MDGA2: variants seen among roughly 807,000 people sequenced by gnomAD.
The protein encoded by MDGA2 is MAM domain containing glycosylphosphatidylinositol anchor 2.
A neutral mutation model predicts 117.8 loss-of-function variants in MDGA2; 40 were observed. The ratio of observed to expected loss-of-function variants is 0.34; its 90% CI spans 0.26 to 0.44. The LOEUF is 0.44. MDGA2 is among the 20% of genes least tolerant of loss of function. MDGA2 has a pLI of 1.00. For missense variants in MDGA2, 1,123 were observed against 1,250.6 expected (o/e 0.90, Z 1.54); for synonymous variants, 452 against 439.0 (o/e 1.03, Z -0.37).
At chr14:46,883,190 A>C (rs1882533114) in intron 10 of MDGA2, among the ~76,000 whole-genome samples, 1 of 152,134 alleles carries the variant, frequency 6.6e-6, no homozygotes, top group African/African-American at 2.4e-5. Flanking sequence ...GAATTCATAA[A>C]GTTTTAACAT....
At chr14:47,572,209 C>T (rs1260053863) in intron 1 of MDGA2, among the ~76,000 whole-genome samples, 5 of 152,124 alleles carry the variant, frequency 3.3e-5, no homozygotes, top group South Asian at 2.1e-4. Flanking sequence ...TTCTTCTCTA[C>T]AAAATACAAG....
At chr14:47,388,030 C>A (rs1205791079) in intron 1 of MDGA2, among the ~76,000 whole-genome samples, 1 of 152,298 alleles carries the variant, frequency 6.6e-6, no homozygotes, top group Middle Eastern at 3.4e-3. Context: ...ACTCAGAAAT[C>A]ACAGACGAAA....
intron 12 of MDGA2, among the ~76,000 whole-genome samples, chr14:46,875,072 T>C (rs1010194641): frequency 6.6e-6 from 1 of 151,820 alleles, no homozygotes; most frequent in Admixed American, 6.6e-5. Flanking sequence ...AACAACTCTG[T>C]GAAATCACAA....
intron 1 of MDGA2, among the ~76,000 whole-genome samples, chr14:47,347,299 TGAG>T (rs1393103349): frequency 2.6e-5 from 4 of 152,148 alleles, no homozygotes; most frequent in South Asian, 2.1e-4. Context: ...ATGGGTACCT[TGAG>T]GAGACTGAGG....
intron 1 of MDGA2, among the ~76,000 whole-genome samples, chr14:47,654,280 G>A (rs1423621746): frequency 6.6e-6 from 1 of 152,108 alleles, no homozygotes; most frequent in Non-Finnish European, 1.5e-5. Flanking sequence ...GTTTGATGCA[G>A]TCAATAATCT....
intron 3 of MDGA2, among the ~76,000 whole-genome samples, chr14:47,175,205 A>T (rs1422364920): frequency 6.6e-6 from 1 of 151,628 alleles, no homozygotes; most frequent in Non-Finnish European, 1.5e-5. Flanking sequence ...TTCACAGCCG[A>T]ATTCTACCAG....
At chr14:47,011,706 G>A (rs1445003515) in intron 8 of MDGA2, among the ~76,000 whole-genome samples, 1 of 151,818 alleles carries the variant, frequency 6.6e-6, no homozygotes, top group Non-Finnish European at 1.5e-5. Context: ...ATATATACAG[G>A]TTATTTTTTA....
At chr14:47,206,385 G>A (rs995929627) in intron 3 of MDGA2, among the ~76,000 whole-genome samples, 36 of 151,794 alleles carry the variant, frequency 2.4e-4, no homozygotes, top group Non-Finnish European at 1.2e-4. Flanking sequence ...GAGTCCAGGA[G>A]TTTGAGATTA....
intron 1 of MDGA2, among the ~76,000 whole-genome samples, chr14:47,613,506 C>T (rs143289674): frequency 0.024 from 3,638 of 150,648 alleles, 66 homozygotes; most frequent in Non-Finnish European, 0.038. Context: ...CACACACACA[C>T]GCACACGCAC....
intron 1 of MDGA2, among the ~76,000 whole-genome samples, chr14:47,506,718 T>C (rs1003961726): frequency 6.6e-6 from 1 of 152,136 alleles, no homozygotes; most frequent in Non-Finnish European, 1.5e-5. Context: ...ACACTTAGTA[T>C]GAAAAAAGAA....
intron 1 of MDGA2, among the ~76,000 whole-genome samples, chr14:47,417,078 G>C (rs1892490523): frequency 6.6e-6 from 1 of 152,062 alleles, no homozygotes; most frequent in Admixed American, 6.6e-5. Flanking sequence ...AGTAACTCTT[G>C]GCTTCTGTTG....
chr14:47,249,312 C>T (rs60800617), intron 2 of MDGA2, among the ~76,000 whole-genome samples: 125,461 of 151,812 alleles, frequency 0.83, 52,194 homozygotes, highest in East Asian at 0.93. Flanking sequence ...TCACCACGCC[C>T]GGCCTCTTTC....
chr14:47,082,872 G>T (rs1253427398), intron 6 of MDGA2, among the ~76,000 whole-genome samples: 1 of 151,490 alleles, frequency 6.6e-6, no homozygotes, highest in Admixed American at 6.6e-5. Flanking sequence ...CAGATAATTG[G>T]AACCTATAAA....
At chr14:47,665,405 C>T (rs1897926160) in intron 1 of MDGA2, among the ~76,000 whole-genome samples, 1 of 152,228 alleles carries the variant, frequency 6.6e-6, no homozygotes, top group Admixed American at 6.5e-5. Flanking sequence ...ACAACCCTCG[C>T]TTACTCTCTG....
intron 1 of MDGA2, among the ~76,000 whole-genome samples, chr14:47,422,502 C>A (rs1892600171): frequency 6.6e-6 from 1 of 152,194 alleles, no homozygotes; most frequent in African/African-American, 2.4e-5. Context: ...AGCTAAGAAC[C>A]ATTTAAAAGC....
At chr14:47,096,564 T>A (rs2138974832) in intron 6 of MDGA2, among the ~76,000 whole-genome samples, 1 of 152,130 alleles carries the variant, frequency 6.6e-6, no homozygotes, top group Non-Finnish European at 1.5e-5. Flanking sequence ...GCAAGCCACA[T>A]TTTTTCTTTC....
intron 10 of MDGA2, among the ~76,000 whole-genome samples, chr14:46,908,050 C>A (rs1240320191): frequency 6.6e-6 from 1 of 152,034 alleles, no homozygotes; most frequent in African/African-American, 2.4e-5. Context: ...AGACAATAAC[C>A]CTCACACATA....
chr14:47,434,359 T>C (rs1357543813), intron 1 of MDGA2, among the ~76,000 whole-genome samples: 1 of 152,122 alleles, frequency 6.6e-6, no homozygotes, highest in African/African-American at 2.4e-5. Flanking sequence ...TTAATTTATT[T>C]GAAAAACAGA....
At chr14:47,158,739 G>A (rs891844771) in intron 3 of MDGA2, among the ~76,000 whole-genome samples, 14 of 152,198 alleles carry the variant, frequency 9.2e-5, no homozygotes, top group South Asian at 2.1e-4. Context: ...ACAGGCGTGA[G>A]CAACGCCCAG....
Sources: gnomAD v4.1 joint callset for allele counts (sites outside exome capture counted in the v4.1 genomes callset) on GRCh38, gnomAD v4.1.1 for gene constraint, MANE v1.5 for transcripts, NCBI Gene and HGNC (gene_info 2026-07-23, HGNC 2026-07-21) for gene names.